DLG2: variants seen among roughly 807,000 people sequenced by gnomAD.
DLG2 encodes the protein discs large MAGUK scaffold protein 2.
A neutral mutation model predicts 132.5 loss-of-function variants in DLG2; 45 were observed. That is an observed-to-expected ratio of 0.34 (90% confidence interval 0.27 to 0.44). The LOEUF is 0.44. Ranked by LOEUF, DLG2 falls within the 20% of genes least tolerant of loss-of-function variation. DLG2 has a pLI of 1.00. For missense variants in DLG2, 1,045 were observed against 1,196.9 expected, an observed-to-expected ratio of 0.87 and a Z score of 1.87; for synonymous variants, 424 against 419.6, an observed-to-expected ratio of 1.01 and a Z score of -0.13.
intron 6 of DLG2, among the ~76,000 whole-genome samples, chr11:84,626,847 A>ACATTTTATTTTATTATTTTTTT (rs373094154): frequency 6.9e-6 from 1 of 144,012 alleles, no homozygotes; most frequent in Admixed American, 7.0e-5. Flanking sequence ...CATCAATTAC[A>ACATTTTATTTTATTATTTTTTT]TATTTTATTT....
At chr11:83,754,289 T>C (rs1254125984) in intron 18 of DLG2, among the ~76,000 whole-genome samples, 5 of 151,202 alleles carry the variant, frequency 3.3e-5, no homozygotes, top group Admixed American at 3.3e-4. Context: ...AACTTTTTAA[T>C]GAGTATCTAC....
chr11:83,794,038 C>T (rs897233989), intron 17 of DLG2, among the ~76,000 whole-genome samples: 17 of 152,268 alleles, frequency 1.1e-4, no homozygotes, highest in African/African-American at 4.1e-4. Context: ...ACCAGCCAAG[C>T]GCTCCTCTTG....
chr11:84,936,570 T>C (rs1011376958), intron 6 of DLG2: 1 of 152,144 alleles, frequency 6.6e-6, no homozygotes, highest in East Asian at 1.9e-4. Context: ...CAATTCTATA[T>C]ACATATTTTA....
At chr11:83,906,096 TATATATATAC>T (rs531499785) in intron 15 of DLG2, among the ~76,000 whole-genome samples, 7,995 of 92,388 alleles carry the variant, frequency 0.087, 252 homozygotes, top group East Asian at 0.17. Flanking sequence ...TATATATATA[TATATATATAC>T]ATATATAGTT....
chr11:84,077,764 C>G (rs2096849127), intron 10 of DLG2, among the ~76,000 whole-genome samples: 1 of 152,126 alleles, frequency 6.6e-6, no homozygotes, highest in Admixed American at 6.5e-5. Context: ...TAAACAATAT[C>G]TTCTTGAGCA....
At chr11:83,617,232 A>G (rs1336431973) in intron 19 of DLG2, among the ~76,000 whole-genome samples, 1 of 152,226 alleles carries the variant, frequency 6.6e-6, no homozygotes, top group East Asian at 1.9e-4. Flanking sequence ...GTGAATCAAT[A>G]TATCAGTTTG....
At chr11:84,250,548 A>G (rs2097358216) in intron 8 of DLG2, among the ~76,000 whole-genome samples, 1 of 152,128 alleles carries the variant, frequency 6.6e-6, no homozygotes, top group Non-Finnish European at 1.5e-5. Flanking sequence ...TCCTCCACTC[A>G]TCAGCTAGCG....
intron 17 of DLG2, among the ~76,000 whole-genome samples, chr11:83,809,662 T>C (rs1172323890): frequency 6.6e-6 from 1 of 152,178 alleles, no homozygotes; most frequent in Non-Finnish European, 1.5e-5. Context: ...GGTATGTATG[T>C]AGCTCAAGGT....
intron 18 of DLG2, among the ~76,000 whole-genome samples, chr11:83,642,501 G>A (rs561008963): frequency 6.6e-6 from 1 of 152,136 alleles, no homozygotes; most frequent in South Asian, 2.1e-4. Context: ...GTGAAATAAA[G>A]TAAGTTTTAT....
At position 84,841,451 on chromosome 11, in the gene DLG2, G is replaced by C. The variant is rs2080678237; in HGVS notation, c.357+270210C>G. On this transcript the variant is annotated intron_variant, in intron 6 of 27. Transcript: ENST00000376104. ...AAAATTCTTAATTGAAAAATCAAAT[G>C]CTAATTTAGACATAACAATTATCTG... is the stretch of plus-strand genomic sequence containing the variant. Among the ~76,000 whole-genome samples the C allele has an allele frequency of 3.3e-5, 5 of 152,030 alleles. No homozygotes were observed. The South Asian group carries it at 1.0e-3, about 32-fold the overall frequency.
chr11:83,833,895 A>G lies in DLG2; in HGVS notation c.1566-125T>C, dbSNP rs1035228469. 57 of 1,018,162 alleles carry G rather than the reference A, an allele frequency of 5.6e-5. No individual in the cohort carries two copies. The Middle Eastern group carries it at 8.3e-4, about 15-fold the overall frequency. 63.1% of individuals were successfully genotyped at this position (1,018,162 alleles called of 1,614,324 possible). Reference sequence around the variant, plus strand: ...TTGTAAAATTGTTTCTCAAACTAAGATAACATTTGCACATCAAGAAAGAGG... The same window carrying G: ...TTGTAAAATTGTTTCTCAAACTAAGGTAACATTTGCACATCAAGAAAGAGG... On this transcript the variant is annotated intron_variant, in intron 16 of 27. Transcript: ENST00000376104.
At chr11:84,471,110 C>A (rs1450563566) in intron 7 of DLG2, among the ~76,000 whole-genome samples, 4 of 151,686 alleles carry the variant, frequency 2.6e-5, no homozygotes, top group Admixed American at 1.3e-4. Context: ...GGCCAAGAAC[C>A]CATCAGCTAG....
intron 11 of DLG2, among the ~76,000 whole-genome samples, chr11:83,982,780 T>C (rs979764806): frequency 2.0e-5 from 3 of 152,190 alleles, no homozygotes; most frequent in Non-Finnish European, 2.9e-5. Flanking sequence ...TTCAGTCCTA[T>C]AGGTTCCACT....
chr11:83,895,482 T>C (rs2071391701), intron 15 of DLG2, among the ~76,000 whole-genome samples: 2 of 152,128 alleles, frequency 1.3e-5, no homozygotes, highest in Non-Finnish European at 2.9e-5. Flanking sequence ...TTTAACACAG[T>C]AGTGGAAACA....
intron 4 of DLG2, among the ~76,000 whole-genome samples, chr11:85,275,452 A>T (rs1454966358): frequency 6.6e-6 from 1 of 152,170 alleles, no homozygotes; most frequent in Non-Finnish European, 1.5e-5. Context: ...AATCTGTCAT[A>T]TTTACTAAAA....
chr11:84,072,189 C>T (rs1167045957), intron 10 of DLG2, among the ~76,000 whole-genome samples: 1 of 152,178 alleles, frequency 6.6e-6, no homozygotes, highest in African/African-American at 2.4e-5. Context: ...TTGGATAAAG[C>T]CAAAGTACCT....
intron 14 of DLG2, among the ~76,000 whole-genome samples, chr11:83,936,094 T>C (rs1357942717): frequency 6.6e-6 from 1 of 152,232 alleles, no homozygotes; most frequent in Non-Finnish European, 1.5e-5. Context: ...TGGTCCCCTT[T>C]GTGAGAATTC....
At chr11:85,402,033 A>G (rs2088184517) in intron 3 of DLG2, among the ~76,000 whole-genome samples, 1 of 152,212 alleles carries the variant, frequency 6.6e-6, no homozygotes, top group Admixed American at 6.5e-5. Context: ...CACATAGCTA[A>G]GACAATCCTA....
At chr11:85,140,236 T>C (rs923453612) in intron 5 of DLG2, among the ~76,000 whole-genome samples, 20 of 151,948 alleles carry the variant, frequency 1.3e-4, no homozygotes, top group African/African-American at 4.6e-4. Context: ...GGGACCTCCA[T>C]ACTGTTTTCC....
Sources: gnomAD v4.1 joint callset for allele counts (sites outside exome capture counted in the v4.1 genomes callset) on GRCh38, gnomAD v4.1.1 for gene constraint, MANE v1.5 for transcripts, NCBI Gene and HGNC (gene_info 2026-07-23, HGNC 2026-07-21) for gene names.